Variants in DCC observed in about 807,000 individuals in gnomAD.
The protein encoded by DCC is netrin receptor DCC.
A neutral mutation model predicts 172.5 loss-of-function variants in DCC; 58 were observed. That is an observed-to-expected ratio of 0.34 (90% CI 0.27 to 0.42). DCC has a LOEUF of 0.42. Ranked by LOEUF, DCC falls within the 10% of genes least tolerant of loss-of-function variation. The pLI, the probability that DCC is intolerant of heterozygous loss-of-function variation, is 1.00. For missense variants in DCC, 1,740 were observed against 1,791.0 expected (o/e 0.97, Z 0.51); for synonymous variants, 709 against 644.5 (o/e 1.10, Z -1.52).
intron 21 of DCC, among the ~76,000 whole-genome samples, chr18:53,419,855 A>T (rs142117010): frequency 2.5e-3 from 372 of 151,270 alleles, no homozygotes; most frequent in African/African-American, 8.7e-3. Flanking sequence ...ATTTTTATTT[A>T]TTTTTTTTAA....
At chr18:53,323,683 T>C (rs1599024682) in intron 14 of DCC, among the ~76,000 whole-genome samples, 1 of 151,848 alleles carries the variant, frequency 6.6e-6, no homozygotes, top group Non-Finnish European at 1.5e-5. Context: ...GGTTGGATGG[T>C]TGGAAGGTTG....
At chr18:52,355,715 C>T (rs1321689101) in intron 1 of DCC, among the ~76,000 whole-genome samples, 1 of 151,916 alleles carries the variant, frequency 6.6e-6, no homozygotes, top group African/African-American at 2.4e-5. Context: ...GGAATAAGAC[C>T]TAAGCAGTGC....
intron 1 of DCC, among the ~76,000 whole-genome samples, chr18:52,359,706 T>C (rs1400689611): frequency 6.6e-6 from 1 of 152,216 alleles, no homozygotes; most frequent in Non-Finnish European, 1.5e-5. Context: ...TTGGGATTGT[T>C]TCTTTCTAGA....
At chr18:52,765,375 C>T (rs1186036230) in intron 2 of DCC, among the ~76,000 whole-genome samples, 2 of 152,048 alleles carry the variant, frequency 1.3e-5, no homozygotes, top group African/African-American at 4.8e-5. Context: ...AATCCATACT[C>T]ATCTCTTCAT....
chr18:53,376,240 C>A (rs1054314542), intron 15 of DCC, among the ~76,000 whole-genome samples: 2 of 151,900 alleles, frequency 1.3e-5, no homozygotes, highest in Non-Finnish European at 2.9e-5. Context: ...GAAAATCAGC[C>A]GGGCGTGTTG....
At chr18:53,063,060 A>G (rs1403270963) in intron 5 of DCC, among the ~76,000 whole-genome samples, 1 of 151,932 alleles carries the variant, frequency 6.6e-6, no homozygotes, top group Non-Finnish European at 1.5e-5. Flanking sequence ...TTTTTTCCAA[A>G]AAGTGTTTCC....
intron 9 of DCC, among the ~76,000 whole-genome samples, chr18:53,199,163 C>T (rs1321414797): frequency 6.6e-6 from 1 of 151,424 alleles, no homozygotes; most frequent in Non-Finnish European, 1.5e-5. Context: ...ATAACCTCTG[C>T]CTCTGGGGTT....
At chr18:53,377,252 A>C (rs1454917763) in intron 15 of DCC, among the ~76,000 whole-genome samples, 5 of 152,152 alleles carry the variant, frequency 3.3e-5, no homozygotes, top group African/African-American at 1.2e-4. Context: ...ACAATTCTAG[A>C]GGCTGAGAAG....
intron 5 of DCC, among the ~76,000 whole-genome samples, chr18:53,041,129 G>C (rs963397786): frequency 9.4e-6 from 1 of 106,334 alleles, no homozygotes; most frequent in Non-Finnish European, 1.9e-5. Context: ...TTTTCTTTTA[G>C]GGTTTTTATT....
intron 5 of DCC, among the ~76,000 whole-genome samples, chr18:53,037,151 G>T (rs532373704): frequency 2.7e-4 from 41 of 152,062 alleles, no homozygotes; most frequent in African/African-American, 9.4e-4. Flanking sequence ...GATGCCTAAA[G>T]AGTTCCATCC....
At chr18:52,612,758 A>G (rs1296551046) in intron 1 of DCC, among the ~76,000 whole-genome samples, 1 of 152,190 alleles carries the variant, frequency 6.6e-6, no homozygotes, top group Non-Finnish European at 1.5e-5. Context: ...TTTTTCCTTT[A>G]GAAAATATAT....
At chr18:53,105,058 T>C (rs1278221721) in intron 7 of DCC, among the ~76,000 whole-genome samples, 3 of 152,024 alleles carry the variant, frequency 2.0e-5, no homozygotes, top group Admixed American at 6.6e-5. Flanking sequence ...CTACTGGAAA[T>C]GGTACTATTT....
At chr18:53,510,935 G>C (rs962626056) in intron 27 of DCC, among the ~76,000 whole-genome samples, 12 of 152,088 alleles carry the variant, frequency 7.9e-5, no homozygotes, top group Admixed American at 5.9e-4. Context: ...TTCTATCAAA[G>C]CCTACCTTGT....
At chr18:53,039,138 C>G (rs550229959) in intron 5 of DCC, among the ~76,000 whole-genome samples, 2 of 152,080 alleles carry the variant, frequency 1.3e-5, no homozygotes, top group Admixed American at 1.3e-4. Flanking sequence ...GTGTCTCTAG[C>G]TTTCAGCAAT....
chr18:52,589,409 C>T (rs185142558), intron 1 of DCC, among the ~76,000 whole-genome samples: 9 of 152,252 alleles, frequency 5.9e-5, no homozygotes, highest in Admixed American at 4.6e-4. Context: ...AGAGTGTCAA[C>T]CTTCTAAGCT....
chr18:52,352,954 T>C (rs2144248817), intron 1 of DCC, among the ~76,000 whole-genome samples: 1 of 152,316 alleles, frequency 6.6e-6, no homozygotes, highest in Non-Finnish European at 1.5e-5. Context: ...GACTGAGGAA[T>C]ACTGCTCTAG....
At position 53,534,895 on chromosome 18, in the gene DCC, A is replaced by T. The variant is rs1223145324; in HGVS notation, c.*4242A>T. ...GGCAGACTTCCAGTTGCACTCTCTGAAGGACTTTTTTCTCTTACTCTCAAT... is the reference window on the plus strand; with the variant it reads ...GGCAGACTTCCAGTTGCACTCTCTGTAGGACTTTTTTCTCTTACTCTCAAT... On this transcript the variant is annotated 3_prime_UTR_variant, in exon 29 of 29. Coordinates refer to ENST00000442544, the MANE Select transcript of DCC (RefSeq NM_005215.4). The T allele has an allele frequency of 6.6e-6, 1 of 152,170 alleles. No homozygotes were observed. Among genetic ancestry groups the T allele is most frequent in the African/African-American group, 2.4e-5 (1 of 41,440 alleles). 9.4% of individuals were successfully genotyped at this position (152,170 alleles called of 1,614,324 possible). A position where few individuals can be genotyped will look rare whatever the true frequency, so the allele number is the denominator to read the frequency against.
intron 1 of DCC, among the ~76,000 whole-genome samples, chr18:52,606,742 G>T (rs144422222): frequency 1.3e-5 from 2 of 152,226 alleles, no homozygotes; most frequent in East Asian, 1.9e-4. Context: ...AATTGCTTTT[G>T]TAACTGGCTC....
chr18:52,411,361 T>C (rs567600566), intron 1 of DCC, among the ~76,000 whole-genome samples: 28 of 152,256 alleles, frequency 1.8e-4, no homozygotes, highest in African/African-American at 6.5e-4. Context: ...TTGTTCCATT[T>C]TTGACCCAGA....
Sources: gnomAD v4.1 joint callset for allele counts (sites outside exome capture counted in the v4.1 genomes callset) on GRCh38, gnomAD v4.1.1 for gene constraint, MANE v1.5 for transcripts, NCBI Gene and HGNC (gene_info 2026-07-23, HGNC 2026-07-21) for gene names.